Variants in KCNIP1 observed in about 807,000 individuals in gnomAD.
KCNIP1 encodes the protein A-type potassium channel modulatory protein KCNIP1.
A neutral mutation model predicts 33.0 loss-of-function variants in KCNIP1; 18 were observed. The observed-to-expected ratio is 0.55, with a 90% CI of 0.38 to 0.81. The LOEUF is 0.81. Among genes scored for constraint, KCNIP1 ranks in the 30% least tolerant of loss-of-function variants. KCNIP1 has a pLI of 0.00. For synonymous variants in KCNIP1, 93 were observed against 98.3 expected (o/e 0.95, Z 0.32); for missense variants, 238 against 271.6 (o/e 0.88, Z 0.87).
chr5:170,356,985 A>G (rs1391703164), intron 1 of KCNIP1, among the ~76,000 whole-genome samples: 2 of 152,126 alleles, frequency 1.3e-5, no homozygotes, highest in Admixed American at 1.3e-4. Flanking sequence ...GAGCTTGCAT[A>G]GTGTCTAGGG....
rs1156752852 is a variant in KCNIP1, at chr5:170,557,628, A to G, written c.61+52995A>G. Among the ~76,000 whole-genome samples the G allele has an allele frequency of 2.0e-5, 3 of 152,312 alleles. No homozygotes were observed. In the South Asian group the frequency reaches 6.2e-4, roughly 32 times the overall value. ...GAGAGCAGGGAAGGCCTCGTGGACA[A>G]CATCCTATTTGAGCCACATGACCAT... On this transcript the variant is annotated intron_variant, in intron 1 of 7. Transcript: ENST00000328939.
chr5:170,733,892 T>C lies in KCNIP1; in HGVS notation c.597T>C (p.Cys199=), dbSNP rs143325910. 3.7e-5 allele frequency: 59 copies of C among 1,613,210 alleles called. No homozygotes were observed. The highest frequency in any genetic ancestry group is 4.8e-5 in the Non-Finnish European group (57 of 1,179,336). ...IVTLDEFLES[C]QEDDNIMRSL... ...CTTTAGATGAATTTCTTGAATCATG[T>C]CAGGAGGTAAGGAGAGATCTCAGGG... The change falls in exon 7 of 8, where the codon TGT becomes TGC. Residue 199 remains cysteine, a synonymous_variant. Transcript: ENST00000328939.
In KCNIP1 at chr5:170,456,534, G is replaced by A. The variant is rs181732834; in HGVS notation, c.88+102570G>A. Among the ~76,000 whole-genome samples the A allele has an allele frequency of 3.5e-3, 527 of 151,850 alleles. 4 individuals are homozygous for A. The highest frequency in any genetic ancestry group is 0.012 in the African/African-American group (500 of 41,386). On this transcript the variant is annotated intron_variant, in intron 1 of 7. Transcript: ENST00000377360. ...ATAAGCTAGACTTCTATCTTAAGAC[G>A]CTAGGGGAAAAGCAGCAAACTAATC...
At chr5:170,492,751 C>CTATT (rs1212975271) in intron 1 of KCNIP1, among the ~76,000 whole-genome samples, 16 of 141,024 alleles carry the variant, frequency 1.1e-4, no homozygotes, top group East Asian at 4.0e-4. Context: ...GACCAAATAT[C>CTATT]TATCTATTTA....
intron 4 of KCNIP1, 102 bp downstream of exon 4, chr5:170,722,005 TCA>T (rs1763842569): frequency 1.5e-6 from 2 of 1,330,482 alleles, no homozygotes; most frequent in Admixed American, 4.0e-5. Flanking sequence ...TCAAAAGCTC[TCA>T]GTCAGACCAA....
intron 1 of KCNIP1, among the ~76,000 whole-genome samples, chr5:170,691,542 G>A (rs1429929663): frequency 1.3e-5 from 2 of 152,172 alleles, no homozygotes; most frequent in Admixed American, 6.5e-5. Context: ...CAGGATACTG[G>A]TAGGATTAGT....
chr5:170,446,922 C>T (rs1057421428), intron 1 of KCNIP1, among the ~76,000 whole-genome samples: 3 of 152,242 alleles, frequency 2.0e-5, no homozygotes, highest in African/African-American at 4.8e-5. Context: ...AACCAAATTT[C>T]CTCTCTCTAC....
chr5:170,506,866 C>T (rs900070857), intron 1 of KCNIP1, among the ~76,000 whole-genome samples: 3 of 152,156 alleles, frequency 2.0e-5, no homozygotes, highest in Admixed American at 1.3e-4. Flanking sequence ...CAGGTATTTG[C>T]CCCCGAAGCA....
intron 1 of KCNIP1, among the ~76,000 whole-genome samples, chr5:170,441,343 A>C (rs1185820516): frequency 1.3e-5 from 2 of 152,124 alleles, no homozygotes; most frequent in Non-Finnish European, 2.9e-5. Flanking sequence ...GGCTAGCTCC[A>C]GGGAGTGTGG....
rs566090132 is a variant in KCNIP1 at position 170,713,604 on chromosome 5, CA to C, written c.62-5153del. Among the ~76,000 whole-genome samples, 195 of 152,322 alleles carry C rather than the reference CA, an allele frequency of 1.3e-3. 3 individuals are homozygous for C. The highest frequency in any genetic ancestry group is 3.7e-3 in the African/African-American group (153 of 41,574). Reference sequence around the variant, plus strand: ...GACAAATCAGACATCCAGATTTGTACATGGATCTCTCATCTTTAAACATGGA... The same window carrying C: ...GACAAATCAGACATCCAGATTTGTACTGGATCTCTCATCTTTAAACATGGA... On this transcript the variant is annotated intron_variant, in intron 1 of 7. Coordinates refer to ENST00000328939, the MANE Select transcript of KCNIP1 (RefSeq NM_014592.4).
chr5:170,711,860 C>T (rs149046379), intron 1 of KCNIP1, among the ~76,000 whole-genome samples: 1 of 152,156 alleles, frequency 6.6e-6, no homozygotes, highest in African/African-American at 2.4e-5. Flanking sequence ...TGGATGCCCA[C>T]CTATACGATC....
At position 170,718,894 on chromosome 5, in the gene KCNIP1, G is replaced by A. The variant is rs1162963905; in HGVS notation, c.186+12G>A. ...GAGGCTTCAAAAATGTAAGACCCGT[G>A]CACGCTCTGAAGGCCTGGGGGGGGT... On this transcript the variant is annotated intron_variant, in intron 2 of 7. Transcript: ENST00000328939. 1.9e-6 allele frequency: 3 copies of A among 1,605,756 alleles called. No homozygotes were observed. The highest frequency in any genetic ancestry group is 3.5e-5 in the Admixed American group (2 of 57,806).
At chr5:170,572,520 CTTAAAAGATCAAGGCATACGTG>C in intron 1 of KCNIP1, among the ~76,000 whole-genome samples, 1 of 152,240 alleles carries the variant, frequency 6.6e-6, no homozygotes, top group Non-Finnish European at 1.5e-5. Context: ...CTAGGCAGCG[CTTAAAAGATCAAGGCATACGTG>C]GTGTGCAGAA....
intron 1 of KCNIP1, among the ~76,000 whole-genome samples, chr5:170,366,731 G>T (rs956469168): frequency 2.0e-5 from 3 of 152,208 alleles, no homozygotes; most frequent in African/African-American, 7.2e-5. Flanking sequence ...GCCTCCTCTG[G>T]CTGGTAGCTG....
chr5:170,380,302 G>A (rs80092299), intron 1 of KCNIP1, among the ~76,000 whole-genome samples: 2,685 of 152,310 alleles, frequency 0.018, 86 homozygotes, highest in African/African-American at 0.057. Flanking sequence ...CATAGCCCAG[G>A]TCCCTACCCA....
chr5:170,570,191 C>T (rs1757352727), intron 1 of KCNIP1, among the ~76,000 whole-genome samples: 1 of 152,172 alleles, frequency 6.6e-6, no homozygotes, highest in Non-Finnish European at 1.5e-5. Context: ...AATCACACTC[C>T]CTTATAAAAT....
intron 1 of KCNIP1, among the ~76,000 whole-genome samples, chr5:170,417,125 C>T (rs1486884860): frequency 6.6e-6 from 1 of 152,130 alleles, no homozygotes; most frequent in African/African-American, 2.4e-5. Context: ...ACTGTGATGC[C>T]TCCATATAAA....
intron 1 of KCNIP1, among the ~76,000 whole-genome samples, chr5:170,476,415 G>A (rs1219513875): frequency 6.6e-6 from 1 of 152,110 alleles, no homozygotes; most frequent in Non-Finnish European, 1.5e-5. Flanking sequence ...TCTACATTTT[G>A]ACTGAACTGT....
In KCNIP1 at chr5:170,497,165, T is replaced by G. The variant is rs186061641; in HGVS notation, c.88+143201T>G. ...GCACTCACTTGATGCCCTCACAAAG[T>G]TGTGAGTGAATGAATGAATGAGTGA... On this transcript the variant is annotated intron_variant, in intron 1 of 7. Coordinates refer to the KCNIP1 transcript ENST00000377360. Among the ~76,000 whole-genome samples the G allele has an allele frequency of 2.4e-3, 361 of 152,172 alleles. 2 individuals carry two copies. Among genetic ancestry groups the G allele is most frequent in the Admixed American group, 4.2e-3 (64 of 15,276 alleles).
Sources: gnomAD v4.1 joint callset for allele counts (sites outside exome capture counted in the v4.1 genomes callset) on GRCh38, gnomAD v4.1.1 for gene constraint, MANE v1.5 for transcripts, NCBI Gene and HGNC (gene_info 2026-07-23, HGNC 2026-07-21) for gene names.